Variants in ACSM3 observed in about 807,000 individuals in gnomAD.
ACSM3 encodes acyl-coenzyme A synthetase ACSM3, mitochondrial.
Under a neutral mutation model 74.1 loss-of-function variants are expected in ACSM3, and 61 were observed. The observed-to-expected ratio is 0.82, with a 90% confidence interval of 0.67 to 1.02. ACSM3 has a LOEUF of 1.02. Ranked by LOEUF, ACSM3 falls within the 50% of genes least tolerant of loss-of-function variation. The pLI is 0.00. For missense variants in ACSM3, 660 were observed against 697.0 expected (o/e 0.95, Z 0.60); for synonymous variants, 213 against 241.5 (o/e 0.88, Z 1.09).
intron 1 of ACSM3, chr16:20,727,607 A>G (rs2079811421): frequency 4.4e-6 from 1 of 228,770 alleles, no homozygotes; most frequent in Non-Finnish European, 8.9e-6. Context: ...GCCAGTAGTT[A>G]CCAAAACTTG....
rs539805763 is a variant in ACSM3 at position 20,725,064 on chromosome 16, G to A, written c.-189-24846G>A. On this transcript the variant is annotated intron_variant, in intron 1 of 3. Transcript: ENST00000561584. ...TTTATATGGAACCAAAAAAGAGCCC[G>A]CATTGCCAAGTCAATCCTAAGCCAA... is the stretch of plus-strand genomic sequence containing the variant. 7.9e-5 allele frequency among the ~76,000 whole-genome samples: 12 copies of A among 152,134 alleles called. No individual in the cohort carries two copies. In the South Asian group the frequency reaches 1.0e-3, roughly 13 times the overall value.
chr16:20,690,855 C>A, intron 1 of ACSM3: 2 of 767,376 alleles, frequency 2.6e-6, no homozygotes, highest in Non-Finnish European at 4.0e-6. Flanking sequence ...GGAATAGAAC[C>A]TTGAAATATA....
chr16:20,791,016 T>C, intron 10 of ACSM3: 1 of 1,428,168 alleles, frequency 7.0e-7, no homozygotes, highest in Non-Finnish European at 9.7e-7. Context: ...ATCCAGTTAG[T>C]GCTCTTTCTT....
At chr16:20,739,072 CTGTT>C (rs2079895555) in intron 1 of ACSM3, 7 of 1,613,982 alleles carry the variant, frequency 4.3e-6, no homozygotes, top group African/African-American at 1.3e-5. Context: ...TGTCTGTAAA[CTGTT>C]TGCATAAAAC....
At chr16:20,737,071 A>G in intron 1 of ACSM3, 1 of 1,614,122 alleles carries the variant, frequency 6.2e-7, no homozygotes, top group South Asian at 1.1e-5. Context: ...TTGTCCGCAG[A>G]TTCCAGTTTA....
intron 1 of ACSM3, among the ~76,000 whole-genome samples, chr16:20,683,230 G>A (rs976849718): frequency 3.3e-5 from 5 of 151,882 alleles, no homozygotes; most frequent in Non-Finnish European, 7.4e-5. Context: ...CAATTGTCCT[G>A]TCTCAGCCTC....
At chr16:20,694,657 A>G (rs918115780) in intron 1 of ACSM3, among the ~76,000 whole-genome samples, 2 of 152,200 alleles carry the variant, frequency 1.3e-5, no homozygotes, top group Non-Finnish European at 2.9e-5. Flanking sequence ...AGACCAAAAC[A>G]AAAGGGAGAG....
intron 1 of ACSM3, among the ~76,000 whole-genome samples, chr16:20,709,096 G>T (rs1025030694): frequency 6.6e-6 from 1 of 152,244 alleles, no homozygotes; most frequent in East Asian, 1.9e-4. Context: ...AAACCTGCAC[G>T]TTGTGCACAT....
intron 1 of ACSM3, among the ~76,000 whole-genome samples, chr16:20,700,056 A>G (rs999097525): frequency 6.6e-6 from 1 of 152,132 alleles, no homozygotes; most frequent in African/African-American, 2.4e-5. Flanking sequence ...CCCCTGATTC[A>G]ATGCTCCTGG....
intron 1 of ACSM3, among the ~76,000 whole-genome samples, chr16:20,686,197 C>T (rs1386153298): frequency 6.6e-6 from 1 of 151,894 alleles, no homozygotes; most frequent in Non-Finnish European, 1.5e-5. Context: ...TACTTAATTG[C>T]TAAATTTTTG....
At chr16:20,785,386 A>G (rs1326475202) in intron 8 of ACSM3, among the ~76,000 whole-genome samples, 2 of 152,186 alleles carry the variant, frequency 1.3e-5, no homozygotes, top group African/African-American at 2.4e-5. Flanking sequence ...TACTGAAAGA[A>G]AGAATTCCTC....
intron 9 of ACSM3, among the ~76,000 whole-genome samples, chr16:20,788,351 G>A (rs1371863475): frequency 6.6e-6 from 1 of 152,056 alleles, no homozygotes; most frequent in East Asian, 1.9e-4. Flanking sequence ...GGTCTTACAG[G>A]CACAGCTGTA....
At chr16:20,706,120 G>T (rs968719975) in intron 1 of ACSM3, among the ~76,000 whole-genome samples, 3 of 151,520 alleles carry the variant, frequency 2.0e-5, no homozygotes, top group Non-Finnish European at 4.4e-5. Flanking sequence ...ATAAAAATTG[G>T]AGTTCTAGAA....
rs933723265 is a variant in ACSM3 at position 20,753,424 on chromosome 16, A to G, written c.-95-2149A>G. Among the ~76,000 whole-genome samples the G allele has an allele frequency of 2.7e-5, 4 of 146,100 alleles. No individual in the cohort carries two copies. In the South Asian group the frequency reaches 8.7e-4, roughly 32 times the overall value. ...GGTTGCAATGAGCTGAGATTGCACC[A>G]CTGCACTCCAGCCTGGGTGACAGAA... On this transcript the variant is annotated intron_variant, in intron 2 of 3. Transcript: ENST00000561584.
At chr16:20,719,098 G>A (rs1159803217) in intron 1 of ACSM3, 1 of 153,334 alleles carries the variant, frequency 6.5e-6, no homozygotes, top group African/African-American at 2.4e-5. Flanking sequence ...AACTTGCCTG[G>A]GGCTTCTTTT....
chr16:20,682,261 C>T (rs1165641733), intron 1 of ACSM3: 1 of 1,612,798 alleles, frequency 6.2e-7, no homozygotes, highest in South Asian at 1.1e-5. Context: ...CTCACTTAAC[C>T]AGCGATCGGA....
chr16:20,685,825 A>AAT (rs2079540200), intron 1 of ACSM3, among the ~76,000 whole-genome samples: 1 of 119,026 alleles, frequency 8.4e-6, no homozygotes, highest in Non-Finnish European at 1.9e-5. Flanking sequence ...GTCTCAAAAA[A>AAT]AAAAAACAAA....
intron 2 of ACSM3, among the ~76,000 whole-genome samples, chr16:20,753,875 AGAG>A (rs1478880301): frequency 1.5e-5 from 2 of 134,564 alleles, no homozygotes; most frequent in African/African-American, 7.7e-5. Flanking sequence ...GAGAAAGAAA[AGAG>A]AGAGAGAGAA....
intron 12 of ACSM3, chr16:20,796,149 G>T: frequency 1.6e-6 from 1 of 623,792 alleles, no homozygotes; most frequent in Non-Finnish European, 2.5e-6. Flanking sequence ...TGAGGGCTAG[G>T]CTGGATGAGG....
Sources: gnomAD v4.1 joint callset for allele counts (sites outside exome capture counted in the v4.1 genomes callset) on GRCh38, gnomAD v4.1.1 for gene constraint, MANE v1.5 for transcripts, NCBI Gene and HGNC (gene_info 2026-07-23, HGNC 2026-07-21) for gene names.